POLA1: variants seen among roughly 807,000 people sequenced by gnomAD.
POLA1 encodes DNA polymerase alpha 1, catalytic subunit, also known as DNA polymerase alpha catalytic subunit.
POLA1 carries 15 observed loss-of-function variants against 124.0 expected under a neutral mutation model. The ratio of observed to expected loss-of-function variants is 0.12; its 90% CI spans 0.08 to 0.19. The LOEUF (loss-of-function observed/expected upper bound fraction) is 0.19. POLA1 is among the 10% of genes least tolerant of loss of function. The pLI is 1.00. For missense variants in POLA1, 886 were observed against 1,103.4 expected, an observed-to-expected ratio of 0.80 and a Z score of 2.79; for synonymous variants, 408 against 389.4, an observed-to-expected ratio of 1.05 and a Z score of -0.56.
intron 34 of POLA1, among the ~76,000 whole-genome samples, chrX:24,878,016 A>G (rs1330479018): frequency 2.7e-5 from 3 of 109,142 alleles, no homozygotes; most frequent in African/African-American, 1.0e-4. Flanking sequence ...AACCTTAACA[A>G]GTTTGTGGGT....
At chrX:24,941,678 A>G (rs1309579943) in intron 36 of POLA1, among the ~76,000 whole-genome samples, 1 of 112,522 alleles carries the variant, frequency 8.9e-6, no homozygotes, top group East Asian at 2.8e-4. Flanking sequence ...TCATGAATTT[A>G]TTTAGATCCA....
intron 32 of POLA1, among the ~76,000 whole-genome samples, chrX:24,839,960 T>C (rs778991653): frequency 3.1e-4 from 35 of 112,212 alleles, no homozygotes; most frequent in Non-Finnish European, 1.9e-4. Context: ...CATCCTTAGC[T>C]TTAAATGTGA....
intron 34 of POLA1, among the ~76,000 whole-genome samples, chrX:24,846,485 C>G (rs1187842088): frequency 9.0e-6 from 1 of 111,506 alleles, no homozygotes; most frequent in Non-Finnish European, 1.9e-5. Context: ...CTTGTTGGTT[C>G]CTTTGTATAA....
intron 36 of POLA1, among the ~76,000 whole-genome samples, chrX:24,976,662 G>A (rs1275494349): frequency 1.8e-5 from 2 of 112,259 alleles, no homozygotes; most frequent in Non-Finnish European, 3.8e-5. Flanking sequence ...AGACTTCTTT[G>A]TTGGTTGGTT....
chrX:24,991,437 A>C (rs113936842), intron 36 of POLA1, among the ~76,000 whole-genome samples: 1 of 112,622 alleles, frequency 8.9e-6, no homozygotes, highest in African/African-American at 3.2e-5. Flanking sequence ...ATTCTTGTCT[A>C]TAGAAGTGGC....
intron 36 of POLA1, among the ~76,000 whole-genome samples, chrX:24,981,718 A>G (rs1349978492): frequency 8.9e-6 from 1 of 112,491 alleles, no homozygotes; most frequent in Non-Finnish European, 1.9e-5. Flanking sequence ...GTATATGTCC[A>G]TGTAAAAAGA....
intron 34 of POLA1, among the ~76,000 whole-genome samples, chrX:24,870,244 C>G (rs747741874): frequency 2.5e-4 from 28 of 111,926 alleles, no homozygotes; most frequent in Non-Finnish European, 3.8e-5. Context: ...TTCATCATTT[C>G]ATACTGGTAT....
chrX:24,951,977 T>C (rs1189906269), intron 36 of POLA1, among the ~76,000 whole-genome samples: 1 of 111,905 alleles, frequency 8.9e-6, no homozygotes, highest in African/African-American at 3.2e-5. Context: ...ATACAAGCCA[T>C]TCAGAGTTTC....
At chrX:24,903,206 A>T (rs866697833) in intron 35 of POLA1, among the ~76,000 whole-genome samples, 2 of 113,029 alleles carry the variant, frequency 1.8e-5, no homozygotes, top group African/African-American at 6.4e-5. Context: ...TTGTGTTCAA[A>T]CTGTTCCGTG....
At chrX:24,798,460 A>G (rs1322980706) in intron 26 of POLA1, among the ~76,000 whole-genome samples, 3 of 110,865 alleles carry the variant, frequency 2.7e-5, no homozygotes, top group East Asian at 5.6e-4. Flanking sequence ...ATGATGATCT[A>G]CTTCCACTTA....
chrX:24,871,730 G>C (rs1480652144), intron 34 of POLA1, among the ~76,000 whole-genome samples: 2 of 111,416 alleles, frequency 1.8e-5, no homozygotes, highest in African/African-American at 6.5e-5. Context: ...CCCATTTCAA[G>C]TTGTGGTTTT....
intron 2 of POLA1, 111 bp from the exon 3 acceptor site, chrX:24,703,140 A>G (rs1253185126): frequency 7.9e-6 from 4 of 503,158 alleles, no homozygotes; most frequent in South Asian, 6.4e-5. Flanking sequence ...GGTTGCAGCT[A>G]CTCCTTCAGT....
At chrX:24,715,456 G>A (rs1273062916) in intron 6 of POLA1, among the ~76,000 whole-genome samples, 5 of 110,538 alleles carry the variant, frequency 4.5e-5, no homozygotes, top group African/African-American at 9.9e-5. Context: ...CACCACGCCC[G>A]GCTAATATTT....
chrX:24,904,588 A>T (rs751191516), intron 35 of POLA1, among the ~76,000 whole-genome samples: 11 of 111,274 alleles, frequency 9.9e-5, no homozygotes, highest in Admixed American at 4.8e-4. Context: ...TCCTAAATGG[A>T]GTACAGTCAC....
rs1928669704 is a variant in POLA1, at chrX:24,704,508, T to G, written c.346+39T>G. The G allele has an allele frequency of 4.3e-6, 4 of 933,841 alleles. No individual in the cohort carries two copies. The East Asian group carries it at 9.2e-5, about 21-fold the overall frequency. 77.0% of individuals were successfully genotyped at this position (933,841 alleles called of 1,213,427 possible). A position where few individuals can be genotyped will look rare whatever the true frequency, so the allele number is the denominator to read the frequency against. On this transcript the variant is annotated intron_variant, in intron 4 of 36. Coordinates refer to ENST00000379068, the MANE Select transcript of POLA1 (RefSeq NM_001330360.2). Reference sequence around the variant, plus strand: ...GTTTTCCAGGGTGTTGTTTTGAGATTTAAAGAATTCTCTAAAATTAGAGAT... The same window carrying G: ...GTTTTCCAGGGTGTTGTTTTGAGATGTAAAGAATTCTCTAAAATTAGAGAT...
chrX:24,741,677 A>G (rs1256475088), intron 21 of POLA1, among the ~76,000 whole-genome samples, 173 bp downstream of exon 21: 1 of 111,137 alleles, frequency 9.0e-6, no homozygotes, highest in African/African-American at 3.3e-5. Flanking sequence ...AAGGGGAGGA[A>G]TGCCAGGTGC....
intron 16 of POLA1, 33 bp downstream of exon 16, chrX:24,732,487 A>G (rs746020809): frequency 1.2e-6 from 1 of 856,419 alleles, no homozygotes; most frequent in Non-Finnish European, 1.7e-6. Flanking sequence ...GCTTACTAAC[A>G]GCTTGATTTG....
chrX:24,726,911 CT>C (rs761855543), intron 13 of POLA1, 21 bp from the exon 14 acceptor site: 12,529 of 783,134 alleles, frequency 0.016, no homozygotes, highest in Admixed American at 0.022. Context: ...CAAAAAGATT[CT>C]TTTTTTTTTT....
chrX:24,830,818 TTA>T (rs2046250544), intron 32 of POLA1, among the ~76,000 whole-genome samples: 2 of 112,245 alleles, frequency 1.8e-5, no homozygotes, highest in Admixed American at 9.4e-5. Flanking sequence ...TTGAATAAAT[TTA>T]TGTTTTATGT....
Sources: allele counts gnomAD v4.1 joint callset (sites outside exome capture counted in the v4.1 genomes callset), GRCh38; gene constraint gnomAD v4.1.1; transcripts MANE v1.5; gene names NCBI Gene and HGNC (gene_info 2026-07-23, HGNC 2026-07-21).